The following ATP9A variants were observed in gnomAD, a reference collection of about 807,000 sequenced individuals.
ATP9A encodes probable phospholipid-transporting ATPase IIA.
In ATP9A, 52 loss-of-function variants were observed where a neutral mutation model predicts 144.1. That is an observed-to-expected ratio of 0.36 (90% CI 0.29 to 0.45). The LOEUF is 0.45. ATP9A is among the 20% of genes least tolerant of loss of function. The probability of loss-of-function intolerance (pLI) is 1.00; values close to 1 mark genes in which losing one functional copy is unlikely to be tolerated. For missense variants in ATP9A, 947 were observed against 1,392.7 expected (o/e 0.68, Z 5.09); for synonymous variants, 582 against 557.4 (o/e 1.04, Z -0.62).
At position 51,619,120 on chromosome 20, in the gene ATP9A, C is replaced by T. The variant is rs948892789; in HGVS notation, c.2116-77G>A. On this transcript the variant is annotated intron_variant, in intron 19 of 27. Coordinates refer to ENST00000338821, the MANE Select transcript of ATP9A (RefSeq NM_006045.3). ...AACAACAAACAGTGGCTTCCAGGAG[C>T]CCACATGAAGACAACGGCCACCCCA... 4.2e-5 allele frequency: 56 copies of T among 1,346,248 alleles called. No individual in the cohort carries two copies. In the South Asian group the frequency reaches 6.7e-4, roughly 16 times the overall value. 83.4% of individuals were successfully genotyped at this position (1,346,248 alleles called of 1,614,324 possible).
intron 1 of ATP9A, among the ~76,000 whole-genome samples, chr20:51,748,406 G>C (rs531140480): frequency 1.2e-4 from 19 of 152,272 alleles, no homozygotes; most frequent in African/African-American, 4.6e-4. Flanking sequence ...CAGTGGGATG[G>C]GGCACACCGC....
intron 1 of ATP9A, among the ~76,000 whole-genome samples, chr20:51,764,456 G>A (rs894960721): frequency 6.6e-6 from 1 of 152,224 alleles, no homozygotes; most frequent in Non-Finnish European, 1.5e-5. Context: ...AAAGAACTTT[G>A]AAGCCAGGAG....
At chr20:51,715,497 T>C (rs2077658107) in intron 3 of ATP9A, among the ~76,000 whole-genome samples, 1 of 152,228 alleles carries the variant, frequency 6.6e-6, no homozygotes, top group Admixed American at 6.5e-5. Flanking sequence ...CCAGTTTCTA[T>C]TTCTCTCTGC....
intron 14 of ATP9A, among the ~76,000 whole-genome samples, chr20:51,651,640 C>CT (rs35219663): frequency 6.6e-6 from 1 of 150,614 alleles, no homozygotes; most frequent in Non-Finnish European, 1.5e-5. Flanking sequence ...ATTTTAAAAC[C>CT]TTTTTTGGCC....
chr20:51,628,064 TC>T (rs2077256703), intron 16 of ATP9A, among the ~76,000 whole-genome samples: 1 of 152,220 alleles, frequency 6.6e-6, no homozygotes, highest in Non-Finnish European at 1.5e-5. Flanking sequence ...AGCAGTGGCC[TC>T]CACGTGTTCC....
rs35997419 is a variant in ATP9A at position 51,600,807 on chromosome 20, A to AAC, written c.*402_*403dup. The AAC allele has an allele frequency of 0.087, 10,498 of 120,472 alleles. 582 individuals are homozygous for AAC. The highest frequency in any genetic ancestry group is 0.17 in the African/African-American group (6,288 of 37,250). The allele number at this position is 120,472 out of a possible 1,614,324, so 7.5% of individuals were successfully genotyped here. ...TACATACACATTAGGACTCTTTAAA[A>AAC]ACACACACACACACACACACACACA... On this transcript the variant is annotated 3_prime_UTR_variant, in exon 28 of 28. Coordinates refer to ENST00000338821, the MANE Select transcript of ATP9A (RefSeq NM_006045.3).
intron 15 of ATP9A, 130 bp downstream of exon 15, chr20:51,639,213 T>C: frequency 9.8e-7 from 1 of 1,025,364 alleles, no homozygotes; most frequent in Middle Eastern, 2.3e-4. Context: ...CTTAGGGAAT[T>C]ATATTCCCTT....
chr20:51,624,764 C>T (rs977701981), intron 18 of ATP9A, among the ~76,000 whole-genome samples: 11 of 152,008 alleles, frequency 7.2e-5, no homozygotes, highest in South Asian at 2.1e-4. Flanking sequence ...CCTAGCACTT[C>T]GGAGACTGAG....
At chr20:51,767,225 G>A (rs2077908638) in intron 1 of ATP9A, among the ~76,000 whole-genome samples, 1 of 151,964 alleles carries the variant, frequency 6.6e-6, no homozygotes, top group South Asian at 2.1e-4. Flanking sequence ...CCGAGGAAGG[G>A]CGGAGCAGAG....
chr20:51,623,508 C>T (rs760418274), intron 18 of ATP9A, among the ~76,000 whole-genome samples: 4 of 152,074 alleles, frequency 2.6e-5, no homozygotes, highest in Admixed American at 6.5e-5. Flanking sequence ...CAGCCAGGCG[C>T]GGTGGCTTAC....
Position 51,598,090 on chromosome 20 carries a change from A to G in ATP9A, c.*3121T>C, listed in dbSNP as rs12632. The G allele has an allele frequency of 0.26, 38,755 of 151,696 alleles. 5,448 individuals carry two copies. The highest frequency in any genetic ancestry group is 0.49 in the East Asian group (2,516 of 5,124). 9.4% of individuals were successfully genotyped at this position (151,696 alleles called of 1,614,324 possible). A position where few individuals can be genotyped will look rare whatever the true frequency, so the allele number is the denominator to read the frequency against. Reference sequence around the variant, plus strand: ...GGCACCACAGGCAACACACATGTGCACACGCATGCTTTCAAAATGAGGATC... The same window carrying G: ...GGCACCACAGGCAACACACATGTGCGCACGCATGCTTTCAAAATGAGGATC... On this transcript the variant is annotated 3_prime_UTR_variant, in exon 28 of 28. Coordinates refer to ENST00000338821, the MANE Select transcript of ATP9A (RefSeq NM_006045.3).
At chr20:51,733,708 G>C (rs1408087898) in intron 1 of ATP9A, among the ~76,000 whole-genome samples, 1 of 148,984 alleles carries the variant, frequency 6.7e-6, no homozygotes, top group African/African-American at 2.5e-5. Context: ...TAAAAAATCT[G>C]TATTACCCAG....
chr20:51,637,306 T>TAAAAAAA (rs3029335), intron 15 of ATP9A, among the ~76,000 whole-genome samples: 2 of 89,980 alleles, frequency 2.2e-5, no homozygotes, highest in African/African-American at 4.1e-5. Flanking sequence ...TCCCTAACAT[T>TAAAAAAA]AAAAAAAAAA....
chr20:51,622,655 A>G (rs1601062640), intron 18 of ATP9A, among the ~76,000 whole-genome samples: 1 of 152,196 alleles, frequency 6.6e-6, no homozygotes, highest in Non-Finnish European at 1.5e-5. Context: ...TAAATGAGTC[A>G]GGTTCTTCCG....
chr20:51,644,066 C>G (rs935361081), intron 14 of ATP9A, among the ~76,000 whole-genome samples: 1 of 151,990 alleles, frequency 6.6e-6, no homozygotes, highest in Non-Finnish European at 1.5e-5. Context: ...ACCCCAGAGG[C>G]AGAGGTTGCA....
chr20:51,712,296 G>C (rs980583845), intron 4 of ATP9A, among the ~76,000 whole-genome samples: 2 of 152,028 alleles, frequency 1.3e-5, no homozygotes, highest in African/African-American at 4.8e-5. Flanking sequence ...GGATGGTCTC[G>C]ATCTCCGGAC....
At chr20:51,678,168 G>A (rs2077485100) in intron 9 of ATP9A, among the ~76,000 whole-genome samples, 2 of 151,970 alleles carry the variant, frequency 1.3e-5, no homozygotes, top group Non-Finnish European at 2.9e-5. Context: ...CAGGCAGTTT[G>A]TACTGTCTCC....
intron 14 of ATP9A, among the ~76,000 whole-genome samples, chr20:51,650,277 T>C (rs1357648863): frequency 6.6e-6 from 1 of 152,222 alleles, no homozygotes; most frequent in Non-Finnish European, 1.5e-5. Flanking sequence ...GGCTCACGCC[T>C]GTACTCTCAG....
chr20:51,613,387 C>T (rs1270684878), intron 23 of ATP9A, among the ~76,000 whole-genome samples: 6 of 152,198 alleles, frequency 3.9e-5, no homozygotes, highest in Admixed American at 2.6e-4. Flanking sequence ...CCACTGCTAA[C>T]GCACACATCC....
Sources: allele counts gnomAD v4.1 joint callset (sites outside exome capture counted in the v4.1 genomes callset), GRCh38; gene constraint gnomAD v4.1.1; transcripts MANE v1.5; gene names NCBI Gene and HGNC (gene_info 2026-07-23, HGNC 2026-07-21).